The following CLIC4 variants were observed in gnomAD, a reference collection of about 807,000 sequenced individuals.
CLIC4 encodes CLIC family member 4.
A neutral mutation model predicts 24.6 loss-of-function variants in CLIC4; 13 were observed. That is an observed-to-expected ratio of 0.53 (90% confidence interval 0.34 to 0.84). The LOEUF is 0.84. Among genes scored for constraint, CLIC4 ranks in the 40% least tolerant of loss-of-function variants. The pLI, the probability that CLIC4 is intolerant of heterozygous loss-of-function variation, is 0.01. For synonymous variants in CLIC4, 104 were observed against 111.3 expected (o/e 0.93, Z 0.41); for missense variants, 227 against 301.7 (o/e 0.75, Z 1.83).
At chr1:24,789,414 A>T (rs1262304235) in intron 1 of CLIC4, among the ~76,000 whole-genome samples, 1 of 152,150 alleles carries the variant, frequency 6.6e-6, no homozygotes, top group African/African-American at 2.4e-5. Context: ...GCTATTCGGG[A>T]GGTTGAGACA....
chr1:24,763,488 C>G (rs1638954156), intron 1 of CLIC4, among the ~76,000 whole-genome samples: 1 of 129,834 alleles, frequency 7.7e-6, no homozygotes, highest in African/African-American at 2.8e-5. Flanking sequence ...TGCAGTGAAT[C>G]GAAATCATGC....
At chr1:24,781,824 G>A (rs112737279) in intron 1 of CLIC4, among the ~76,000 whole-genome samples, 6 of 151,236 alleles carry the variant, frequency 4.0e-5, no homozygotes, top group Admixed American at 3.9e-4. Flanking sequence ...CTAATTTTTT[G>A]TATTTTTAGT....
chr1:24,757,426 C>T (rs1234482969), intron 1 of CLIC4, among the ~76,000 whole-genome samples: 3 of 152,070 alleles, frequency 2.0e-5, no homozygotes, highest in Admixed American at 6.6e-5. Flanking sequence ...TGGTGGATTA[C>T]GAGAGTGAAT....
At chr1:24,816,024 A>G (rs1218594940) in intron 3 of CLIC4, among the ~76,000 whole-genome samples, 1 of 152,144 alleles carries the variant, frequency 6.6e-6, no homozygotes, top group East Asian at 1.9e-4. Context: ...CATCCATTCA[A>G]ATTTTATTAT....
chr1:24,820,201 C>G (rs1302504143), intron 3 of CLIC4, among the ~76,000 whole-genome samples: 3 of 143,246 alleles, frequency 2.1e-5, no homozygotes, highest in Non-Finnish European at 3.0e-5. Context: ...CCTCCTGCCT[C>G]AGCCTTCCAA....
At chr1:24,792,606 C>T (rs1288494534) in intron 1 of CLIC4, among the ~76,000 whole-genome samples, 1 of 152,110 alleles carries the variant, frequency 6.6e-6, no homozygotes, top group Non-Finnish European at 1.5e-5. Flanking sequence ...GTGACGATGA[C>T]TTTTCTTATT....
chr1:24,766,493 TTTTTTTTTTTTTTTTTTTTTTTTTTTTTG>T (rs1638998161), intron 1 of CLIC4, among the ~76,000 whole-genome samples: 1 of 69,124 alleles, frequency 1.4e-5, no homozygotes, highest in African/African-American at 5.9e-5. Context: ...TTTTTTTTTT[TTTTTTTTTTTTTTTTTTTTTTTTTTTTTG>T]AGACGGGGTC....
intron 3 of CLIC4, among the ~76,000 whole-genome samples, chr1:24,824,972 C>G (rs1003287370): frequency 2.7e-5 from 4 of 147,560 alleles, no homozygotes; most frequent in Non-Finnish European, 6.0e-5. Flanking sequence ...TACACTCCAC[C>G]CTGGGTGACA....
rs1639269476 is a variant in CLIC4 at position 24,786,545 on chromosome 1, GATTC to G, written c.73-11193_73-11190del. Among the ~76,000 whole-genome samples, 6 of 152,290 alleles carry G rather than the reference GATTC, an allele frequency of 3.9e-5. No homozygotes were observed. In the South Asian group the frequency reaches 1.2e-3, roughly 32 times the overall value. On this transcript the variant is annotated intron_variant, in intron 1 of 5. Coordinates refer to ENST00000374379, the MANE Select transcript of CLIC4 (RefSeq NM_013943.3). ...AATGAATGCTAAGACTCTATCTAGA[GATTC>G]ATTGTTATTTCTGTCAGTGGGATTA...
At chr1:24,797,997 A>T (rs950006131) in intron 2 of CLIC4, 146 bp downstream of exon 2, 3 of 603,974 alleles carry the variant, frequency 5.0e-6, no homozygotes, top group Non-Finnish European at 8.6e-6. Context: ...CTTGTATATA[A>T]CTATTTTGGA....
At chr1:24,798,045 C>CT (rs941325928) in intron 2 of CLIC4, 194 bp downstream of exon 2, 7 of 442,558 alleles carry the variant, frequency 1.6e-5, no homozygotes, top group African/African-American at 1.2e-4. Context: ...GCTACTCAGT[C>CT]TTTTTTAGGA....
chr1:24,802,291 T>C (rs1639499795), intron 2 of CLIC4, among the ~76,000 whole-genome samples: 1 of 152,218 alleles, frequency 6.6e-6, no homozygotes, highest in South Asian at 2.1e-4. Context: ...AAAGGCATTA[T>C]TCCTATAGGT....
At chr1:24,784,077 A>G (rs3122055) in intron 1 of CLIC4, among the ~76,000 whole-genome samples, 3,712 of 149,470 alleles carry the variant, frequency 0.025, 127 homozygotes, top group African/African-American at 0.084. Flanking sequence ...GTTTTTCCAC[A>G]TTCATTCTTT....
intron 1 of CLIC4, among the ~76,000 whole-genome samples, chr1:24,746,647 G>T (rs948389673): frequency 1.3e-5 from 2 of 152,138 alleles, no homozygotes; most frequent in Non-Finnish European, 2.9e-5. Flanking sequence ...TGGTCATCTA[G>T]AACTATTGGG....
At chr1:24,825,984 A>G (rs1439186607) in intron 3 of CLIC4, among the ~76,000 whole-genome samples, 1 of 152,226 alleles carries the variant, frequency 6.6e-6, no homozygotes, top group African/African-American at 2.4e-5. Context: ...TGGGGCTAAG[A>G]ATCTGAATTC....
chr1:24,755,776 G>A (rs1638839925), intron 1 of CLIC4, among the ~76,000 whole-genome samples: 1 of 151,654 alleles, frequency 6.6e-6, no homozygotes. Flanking sequence ...AGATAAATAA[G>A]ACTGTATTTG....
intron 1 of CLIC4, among the ~76,000 whole-genome samples, chr1:24,791,147 T>C (rs1303888653): frequency 6.6e-6 from 1 of 152,198 alleles, no homozygotes; most frequent in African/African-American, 2.4e-5. Context: ...AATATAACTG[T>C]TAGAAGCAGT....
At chr1:24,778,626 G>A (rs899250237) in intron 1 of CLIC4, among the ~76,000 whole-genome samples, 1 of 152,096 alleles carries the variant, frequency 6.6e-6, no homozygotes, top group African/African-American at 2.4e-5. Context: ...TGGACCCTCT[G>A]TAAAAAGAAG....
intron 2 of CLIC4, among the ~76,000 whole-genome samples, chr1:24,809,618 A>G (rs1484384736): frequency 6.6e-6 from 1 of 151,864 alleles, no homozygotes; most frequent in Non-Finnish European, 1.5e-5. Flanking sequence ...GCACTACTAC[A>G]CCCAGCTAAT....
Sources: gnomAD v4.1 joint callset for allele counts (sites outside exome capture counted in the v4.1 genomes callset) on GRCh38, gnomAD v4.1.1 for gene constraint, MANE v1.5 for transcripts, NCBI Gene and HGNC (gene_info 2026-07-23, HGNC 2026-07-21) for gene names.